CNTNAP5: variants seen among roughly 807,000 people sequenced by gnomAD.
CNTNAP5 encodes the protein contactin associated protein family member 5, also known as contactin-associated protein-like 5.
A neutral mutation model predicts 150.2 loss-of-function variants in CNTNAP5; 72 were observed. That is an observed-to-expected ratio of 0.48 (90% confidence interval 0.40 to 0.58). The LOEUF is 0.58. CNTNAP5 is among the 20% of genes least tolerant of loss of function. CNTNAP5 has a pLI of 0.00. For synonymous variants in CNTNAP5, 672 were observed against 619.8 expected, an observed-to-expected ratio of 1.08 and a Z score of -1.25; for missense variants, 1,636 against 1,626.2, an observed-to-expected ratio of 1.01 and a Z score of -0.10.
intron 13 of CNTNAP5, among the ~76,000 whole-genome samples, chr2:124,729,552 A>T (rs10185492): frequency 6.6e-6 from 1 of 151,876 alleles, no homozygotes; most frequent in Non-Finnish European, 1.5e-5. Flanking sequence ...TACATTTTTG[A>T]TATCTCTGAA....
chr2:124,556,222 G>T (rs1316545111), intron 10 of CNTNAP5, among the ~76,000 whole-genome samples: 1 of 152,152 alleles, frequency 6.6e-6, no homozygotes, highest in African/African-American at 2.4e-5. Context: ...TCCTGACTCT[G>T]TCGCTTTGTA....
intron 3 of CNTNAP5, among the ~76,000 whole-genome samples, chr2:124,380,371 A>G (rs567190646): frequency 1.3e-5 from 2 of 152,246 alleles, no homozygotes; most frequent in African/African-American, 4.8e-5. Flanking sequence ...AGTTTTTCAC[A>G]ATACCGACCA....
chr2:124,517,849 T>C (rs1694762927), intron 8 of CNTNAP5, among the ~76,000 whole-genome samples: 1 of 150,716 alleles, frequency 6.6e-6, no homozygotes. Context: ...TGATTGTTCC[T>C]AATGGTGTTG....
At chr2:124,340,850 TAC>T (rs535439353) in intron 3 of CNTNAP5, among the ~76,000 whole-genome samples, 1 of 148,264 alleles carries the variant, frequency 6.7e-6, no homozygotes, top group Non-Finnish European at 1.5e-5. Flanking sequence ...TGTATATATG[TAC>T]ACACACACTA....
intron 13 of CNTNAP5, among the ~76,000 whole-genome samples, chr2:124,706,610 G>A (rs535663361): frequency 3.0e-4 from 45 of 151,910 alleles, no homozygotes; most frequent in African/African-American, 9.7e-4. Flanking sequence ...AGCGGCTCAT[G>A]GTGGTACATG....
At chr2:124,821,156 T>G (rs953259381) in intron 19 of CNTNAP5, among the ~76,000 whole-genome samples, 24 of 152,160 alleles carry the variant, frequency 1.6e-4, no homozygotes, top group Admixed American at 7.2e-4. Context: ...GGAACAATAA[T>G]ACAACCTACA....
At chr2:124,093,521 G>A (rs1682861857) in intron 1 of CNTNAP5, among the ~76,000 whole-genome samples, 1 of 152,208 alleles carries the variant, frequency 6.6e-6, no homozygotes, top group Admixed American at 6.5e-5. Flanking sequence ...GAATATGAAT[G>A]ATTTGATGCT....
intron 1 of CNTNAP5, among the ~76,000 whole-genome samples, chr2:124,128,013 G>A (rs1683753311): frequency 6.6e-6 from 1 of 152,282 alleles, no homozygotes; most frequent in Admixed American, 6.5e-5. Context: ...AGGTCTTCAT[G>A]ACTAAAACAC....
At chr2:124,500,832 G>A (rs1181058140) in intron 7 of CNTNAP5, among the ~76,000 whole-genome samples, 1 of 151,942 alleles carries the variant, frequency 6.6e-6, no homozygotes, top group African/African-American at 2.4e-5. Flanking sequence ...TACCATCTTA[G>A]GAACAATAGG....
chr2:124,397,415 G>A (rs1218549583), intron 3 of CNTNAP5, among the ~76,000 whole-genome samples: 1 of 152,056 alleles, frequency 6.6e-6, no homozygotes, highest in African/African-American at 2.4e-5. Flanking sequence ...AAGATAGGGA[G>A]GGCTAGTTCT....
rs749409177 is a variant in CNTNAP5 at position 124,914,262 on chromosome 2, G to A, written c.3898G>A (p.Glu1300Lys). ...NEIDLQNTVS[E>K]CKREYFI ...AATTGACTTGCAAAACACAGTGAGCGAGTGTAAACGGGAATATTTCATCTG... is the reference window on the plus strand; with the variant it reads ...AATTGACTTGCAAAACACAGTGAGCAAGTGTAAACGGGAATATTTCATCTG... The change falls in exon 24 of 24, where the codon GAG (glutamate) becomes AAG (lysine). Residue 1300 changes from glutamate to lysine, a missense_variant. Coordinates refer to ENST00000682447, the MANE Select transcript of CNTNAP5 (RefSeq NM_001367498.1). The A allele has an allele frequency of 9.9e-6, 16 of 1,611,714 alleles. No homozygotes were observed. Among genetic ancestry groups the A allele is most frequent in the African/African-American group, 6.7e-5 (5 of 74,774 alleles).
chr2:124,747,303 G>A lies in CNTNAP5; in HGVS notation c.2152G>A (p.Val718Ile), dbSNP rs1680624556. ...HPYWGGSPPGVQQCECGLDES... is the reference protein window; with the variant it reads ...HPYWGGSPPGIQQCECGLDES... ...TTACTGGGGAGGTTCCCCTCCTGGG[G>A]TCCAGCAGTGTGAGTGTGGCCTAGA... is the stretch of plus-strand genomic sequence containing the variant. Residue 718 changes from valine (V) to isoleucine (I), a missense_variant, in exon 14 of 24, where the codon GTC becomes ATC. Coordinates refer to ENST00000682447, the MANE Select transcript of CNTNAP5 (RefSeq NM_001367498.1). The A allele has an allele frequency of 1.9e-6, 3 of 1,613,826 alleles. No homozygotes were observed. The highest frequency in any genetic ancestry group is 8.5e-7 in the Non-Finnish European group (1 of 1,179,790).
intron 13 of CNTNAP5, among the ~76,000 whole-genome samples, chr2:124,671,393 G>A (rs1287272186): frequency 1.3e-5 from 2 of 152,168 alleles, no homozygotes; most frequent in East Asian, 3.8e-4. Context: ...CAATGGCATG[G>A]TCTTTCTGAA....
intron 12 of CNTNAP5, among the ~76,000 whole-genome samples, chr2:124,647,488 A>T (rs1678227284): frequency 6.6e-6 from 1 of 152,146 alleles, no homozygotes; most frequent in Non-Finnish European, 1.5e-5. Flanking sequence ...CAACTTAGGC[A>T]TTGTCAATTT....
intron 13 of CNTNAP5, among the ~76,000 whole-genome samples, chr2:124,666,436 A>T (rs1269910794): frequency 6.6e-6 from 1 of 152,106 alleles, no homozygotes; most frequent in African/African-American, 2.4e-5. Flanking sequence ...GGTCTTATTT[A>T]TTAGTATCTT....
intron 13 of CNTNAP5, among the ~76,000 whole-genome samples, chr2:124,688,832 G>A (rs981201967): frequency 1.3e-5 from 2 of 152,086 alleles, no homozygotes; most frequent in African/African-American, 4.8e-5. Flanking sequence ...TGCCTCATGC[G>A]GACAAGGTCA....
chr2:124,145,812 T>TAAAAAAAAAAAAAAAAAAAAAAAAA, intron 1 of CNTNAP5, among the ~76,000 whole-genome samples: 7 of 64,182 alleles, frequency 1.1e-4, no homozygotes, highest in Admixed American at 2.5e-4. Flanking sequence ...AAAAAAACAT[T>TAAAAAAAAAAAAAAAAAAAAAAAAA]AAAAAAAAAA....
intron 1 of CNTNAP5, among the ~76,000 whole-genome samples, chr2:124,073,983 A>G (rs115403629): frequency 0.03 from 4,530 of 152,284 alleles, 80 homozygotes; most frequent in Middle Eastern, 0.041. Flanking sequence ...TGGTACATAT[A>G]CACAATGGAG....
intron 1 of CNTNAP5, among the ~76,000 whole-genome samples, chr2:124,160,658 A>G (rs1684654135): frequency 6.6e-6 from 1 of 152,182 alleles, no homozygotes; most frequent in Non-Finnish European, 1.5e-5. Flanking sequence ...ACACACACCT[A>G]ATGATATACA....
Sources: allele counts gnomAD v4.1 joint callset (sites outside exome capture counted in the v4.1 genomes callset), GRCh38; gene constraint gnomAD v4.1.1; transcripts MANE v1.5; gene names NCBI Gene and HGNC (gene_info 2026-07-23, HGNC 2026-07-21).